The following YPEL2 variants were observed in gnomAD, a reference collection of about 807,000 sequenced individuals.
The protein encoded by YPEL2 is protein yippee-like 2.
A neutral mutation model predicts 19.1 loss-of-function variants in YPEL2; 2 were observed. The ratio of observed to expected loss-of-function variants is 0.10; its 90% CI spans 0.04 to 0.33. The LOEUF is 0.33. YPEL2 is among the 10% of genes least tolerant of loss of function. The pLI, the probability that YPEL2 is intolerant of heterozygous loss-of-function variation, is 1.00. For synonymous variants in YPEL2, 52 were observed against 50.0 expected, an observed-to-expected ratio of 1.04 and a Z score of -0.17; for missense variants, 66 against 140.7, an observed-to-expected ratio of 0.47 and a Z score of 2.68.
chr17:59,352,568 G>A (rs539783167), intron 1 of YPEL2, among the ~76,000 whole-genome samples: 1 of 152,328 alleles, frequency 6.6e-6, no homozygotes, highest in South Asian at 2.1e-4. Context: ...TTAAAAAAAT[G>A]TACTGAGTAT....
At chr17:59,396,749 C>T (rs561328804) in intron 4 of YPEL2, among the ~76,000 whole-genome samples, 4 of 152,116 alleles carry the variant, frequency 2.6e-5, no homozygotes, top group Admixed American at 6.6e-5. Context: ...TTTCCTTGGC[C>T]GGGTATGGTG....
In YPEL2 at chr17:59,353,713, TTTG is replaced by T. The variant is rs1425227606; in HGVS notation, c.117+190_117+192del. The T allele has an allele frequency of 6.6e-6, 4 of 609,728 alleles. No individual in the cohort carries two copies. The highest frequency in any genetic ancestry group is 2.3e-5 in the Admixed American group (1 of 43,326). 37.8% of individuals were successfully genotyped at this position (609,728 alleles called of 1,614,324 possible). ...TTGGAGGGACAGAGTAGTCATTTAA[TTTG>T]TTATTTTGGAAATGAGGTGTCATCC... is the stretch of plus-strand genomic sequence containing the variant. On this transcript the variant is annotated intron_variant, in intron 2 of 4. Transcript: ENST00000312655. The surrounding 1 kb of genome is among the most constrained non-coding windows in gnomAD (Gnocchi z 4.8).
In YPEL2 at chr17:59,399,890, G is replaced by GTGA; in HGVS notation, c.*2701_*2703dup. ...GGGTTGGGGTAATTGGAGTTTGTTGGTGAAGTTTGGGGGCGGGGTGTTGGG... is the reference window on the plus strand; with the variant it reads ...GGGTTGGGGTAATTGGAGTTTGTTGGTGATGAAGTTTGGGGGCGGGGTGTTGGG... On this transcript the variant is annotated 3_prime_UTR_variant, in exon 5 of 5. Transcript: ENST00000312655. 6.5e-6 allele frequency: 1 copy of GTGA among 152,744 alleles called. No homozygotes were observed. The highest frequency in any genetic ancestry group is 1.9e-4 in the East Asian group (1 of 5,182). The allele number at this position is 152,744 out of a possible 1,614,324, so 9.5% of individuals were successfully genotyped here.
intron 2 of YPEL2, among the ~76,000 whole-genome samples, chr17:59,378,493 C>T (rs2047933458): frequency 6.6e-6 from 1 of 152,018 alleles, no homozygotes; most frequent in African/African-American, 2.4e-5. Context: ...TACAAGTGCA[C>T]ACCACCACGC....
intron 1 of YPEL2, among the ~76,000 whole-genome samples, chr17:59,333,168 T>C (rs543810367): frequency 6.6e-6 from 1 of 152,356 alleles, no homozygotes; most frequent in East Asian, 1.9e-4. Context: ...GTGAGGAACA[T>C]TTTCATTCTT....
intron 2 of YPEL2, chr17:59,362,574 T>C (rs543851624): frequency 6.6e-6 from 1 of 152,208 alleles, no homozygotes; most frequent in Non-Finnish European, 1.5e-5. Context: ...CAAAAGGAAA[T>C]GTTGACTTGA....
chr17:59,360,233 C>T (rs376305153), intron 2 of YPEL2, among the ~76,000 whole-genome samples: 16 of 152,352 alleles, frequency 1.1e-4, no homozygotes, highest in South Asian at 2.1e-4. Context: ...CCCGCCACCA[C>T]GCCCGGCTAA....
chr17:59,390,460 G>A (rs530271082), intron 4 of YPEL2, among the ~76,000 whole-genome samples: 3 of 152,318 alleles, frequency 2.0e-5, no homozygotes, highest in East Asian at 3.9e-4. Flanking sequence ...CCCATGTTCT[G>A]AAGCCACTGT....
intron 4 of YPEL2, 26 bp from the exon 5 acceptor site, chr17:59,397,073 ATC>A (rs1345459697): frequency 6.4e-7 from 1 of 1,560,212 alleles, no homozygotes; most frequent in Non-Finnish European, 8.7e-7. Context: ...GTCGTTCAGT[ATC>A]TCTTCTCTGC....
chr17:59,392,065 G>C (rs535720941), intron 4 of YPEL2, among the ~76,000 whole-genome samples: 3 of 152,244 alleles, frequency 2.0e-5, no homozygotes, highest in Admixed American at 6.5e-5. Flanking sequence ...ATGATGGGTG[G>C]GGGACACAGT....
At chr17:59,357,795 C>T (rs143734161) in intron 2 of YPEL2, among the ~76,000 whole-genome samples, 3 of 152,120 alleles carry the variant, frequency 2.0e-5, no homozygotes, top group East Asian at 3.9e-4. Context: ...TGGAGTAGGC[C>T]ATTTAGGAAG....
At chr17:59,332,517 A>G (rs1474600007) in intron 1 of YPEL2, among the ~76,000 whole-genome samples, 1 of 152,054 alleles carries the variant, frequency 6.6e-6, no homozygotes, top group Non-Finnish European at 1.5e-5. Context: ...GCTGGCGCTT[A>G]GGGGCGGCCC....
chr17:59,377,500 A>G (rs779212500), intron 2 of YPEL2, among the ~76,000 whole-genome samples: 2 of 152,106 alleles, frequency 1.3e-5, no homozygotes, highest in Non-Finnish European at 2.9e-5. Context: ...GAGGATGGGG[A>G]TATCTGATCA....
chr17:59,345,128 C>G (rs1479560663), intron 1 of YPEL2: 1 of 152,234 alleles, frequency 6.6e-6, no homozygotes, highest in Non-Finnish European at 1.5e-5. Context: ...TGAAGGCTGA[C>G]AGAGGAATAC....
At chr17:59,395,993 A>G (rs1159359699) in intron 4 of YPEL2, among the ~76,000 whole-genome samples, 5 of 152,150 alleles carry the variant, frequency 3.3e-5, no homozygotes, top group South Asian at 2.1e-4. Flanking sequence ...AGGAGGGAGA[A>G]TGGCTTGAAC....
intron 1 of YPEL2, among the ~76,000 whole-genome samples, chr17:59,339,101 C>T (rs1598023670): frequency 7.7e-6 from 1 of 130,244 alleles, no homozygotes; most frequent in African/African-American, 2.7e-5. Context: ...AGGATATCTG[C>T]GCCCCCCACC....
chr17:59,365,578 TG>T (rs2047864563), intron 2 of YPEL2, among the ~76,000 whole-genome samples: 1 of 151,912 alleles, frequency 6.6e-6, no homozygotes, highest in African/African-American at 2.4e-5. Context: ...ACACTTCGGG[TG>T]GGGGGGAATC....
At chr17:59,368,856 A>G (rs1176550747) in intron 2 of YPEL2, among the ~76,000 whole-genome samples, 2 of 152,226 alleles carry the variant, frequency 1.3e-5, no homozygotes, top group Non-Finnish European at 2.9e-5. Context: ...TCTGTAAACC[A>G]TGTATCCTTG....
In YPEL2 at chr17:59,399,525, T is replaced by G. The variant is rs189996633; in HGVS notation, c.*2335T>G. The G allele has an allele frequency of 6.6e-6, 1 of 152,152 alleles. No individual in the cohort carries two copies. Among genetic ancestry groups the G allele is most frequent in the East Asian group, 1.9e-4 (1 of 5,176 alleles). 9.4% of individuals were successfully genotyped at this position (152,152 alleles called of 1,614,324 possible). On this transcript the variant is annotated 3_prime_UTR_variant, in exon 5 of 5. Transcript: ENST00000312655. ...GCAGGCTCCAGTCAGACCCTGGTTC[T>G]GAATGTTTTTTTTTTCGGTGACTAT...
Sources: gnomAD v4.1 joint callset for allele counts (sites outside exome capture counted in the v4.1 genomes callset) on GRCh38, gnomAD v4.1.1 for gene constraint, Gnocchi (gnomAD v3.1) non-coding constraint, MANE v1.5 for transcripts, NCBI Gene and HGNC (gene_info 2026-07-23, HGNC 2026-07-21) for gene names.